Variants in CYP4Z1 observed in about 807,000 individuals in gnomAD.
The protein encoded by CYP4Z1 is cytochrome P450 family 4 subfamily Z member 1.
Under a neutral mutation model 54.2 loss-of-function variants are expected in CYP4Z1, and 41 were observed. The ratio of observed to expected loss-of-function variants is 0.76; its 90% CI spans 0.59 to 0.98. The LOEUF (loss-of-function observed/expected upper bound fraction) is 0.98, where lower values mean the gene tolerates loss of function less well. Ranked by LOEUF, CYP4Z1 falls within the 50% of genes least tolerant of loss-of-function variation. The pLI, the probability that CYP4Z1 is intolerant of heterozygous loss-of-function variation, is 0.00. For missense variants in CYP4Z1, 513 were observed against 599.0 expected, an observed-to-expected ratio of 0.86 and a Z score of 1.50; for synonymous variants, 163 against 206.2, an observed-to-expected ratio of 0.79 and a Z score of 1.79.
chr1:47,111,822 A>G (rs933375045), intron 9 of CYP4Z1, among the ~76,000 whole-genome samples: 1 of 152,124 alleles, frequency 6.6e-6, no homozygotes, highest in African/African-American at 2.4e-5. Flanking sequence ...AGCAACAAAA[A>G]TTTTTCAAAA....
At chr1:47,062,759 C>A (rs1452833777), upstream of CYP4Z1, among the ~76,000 whole-genome samples, 4 of 152,072 alleles carry the variant, frequency 2.6e-5, no homozygotes, top group African/African-American at 4.8e-5. Context: ...CTCTACCCAC[C>A]CTGGTAGCCA....
At chr1:47,057,335 A>AAAAAAAAAAAAAATATATATATAT in the CYP4Z1 span, among the ~76,000 whole-genome samples, 2 of 28,486 alleles carry the variant, frequency 7.0e-5, no homozygotes, top group Non-Finnish European at 1.7e-4. Context: ...AAGAAAAAAA[A>AAAAAAAAAAAAAATATATATATAT]ATATATATAT....
chr1:47,067,612 G>C lies in CYP4Z1; in HGVS notation c.122G>C (p.Arg41Thr). 1 of 1,613,404 alleles carries C rather than the reference G, an allele frequency of 6.2e-7. No individual in the cohort carries two copies. Among genetic ancestry groups the C allele is most frequent in the East Asian group, 2.2e-5 (1 of 44,852 alleles). The change falls in exon 1 of 12, where the codon AGA becomes ACA. Residue 41 changes from arginine to threonine, a missense_variant. Physicochemically the swap from Arg to Thr is moderately conservative, Grantham distance 71. Transcript: ENST00000334194. ...TACCAGAGGAGGAGATGGATGATCA[G>C]AGCCCTGCACCTGTTTCCTGCACCC... Reference protein sequence around the residue: ...RLYQRRRWMIRALHLFPAPPA... With the variant: ...RLYQRRRWMITALHLFPAPPA...
chr1:47,102,389 A>G (rs1300438779), intron 8 of CYP4Z1, among the ~76,000 whole-genome samples: 1 of 151,884 alleles, frequency 6.6e-6, no homozygotes, highest in Non-Finnish European at 1.5e-5. Flanking sequence ...GTACCATTTG[A>G]GCTTTTTCTC....
chr1:47,057,374 A>ATATG, the CYP4Z1 span, among the ~76,000 whole-genome samples: 65 of 114,540 alleles, frequency 5.7e-4, no homozygotes, highest in African/African-American at 2.1e-3. Context: ...ATATATATAT[A>ATATG]TATGTATATT....
intron 2 of CYP4Z1, among the ~76,000 whole-genome samples, chr1:47,073,931 A>G (rs1338771652): frequency 6.6e-6 from 1 of 152,138 alleles, no homozygotes; most frequent in Non-Finnish European, 1.5e-5. Flanking sequence ...CTTGATACAC[A>G]AAAGCTTTTC....
intron 8 of CYP4Z1, among the ~76,000 whole-genome samples, chr1:47,103,585 T>C (rs1394500532): frequency 2.2e-5 from 3 of 138,526 alleles, no homozygotes; most frequent in African/African-American, 8.0e-5. Context: ...CTTTTTTTTT[T>C]CTTTTTTTTC....
At chr1:47,059,788 G>A in the CYP4Z1 span, among the ~76,000 whole-genome samples, 4 of 152,134 alleles carry the variant, frequency 2.6e-5, no homozygotes, top group African/African-American at 7.2e-5. Flanking sequence ...CTGGGACGGA[G>A]GCTGATGGTC....
chr1:47,086,597 C>T (rs1232428650), intron 6 of CYP4Z1, among the ~76,000 whole-genome samples: 1 of 152,048 alleles, frequency 6.6e-6, no homozygotes, highest in Non-Finnish European at 1.5e-5. Context: ...GATATTAGCC[C>T]TTTGTCAGAT....
chr1:47,084,549 G>C, intron 4 of CYP4Z1, 71 bp from the exon 5 acceptor site: 1 of 1,561,810 alleles, frequency 6.4e-7, no homozygotes, highest in South Asian at 1.2e-5. Flanking sequence ...GCTCTAAAAG[G>C]GACATAAAAT....
intron 4 of CYP4Z1, among the ~76,000 whole-genome samples, chr1:47,083,263 A>G (rs1211618789): frequency 2.0e-5 from 3 of 152,062 alleles, no homozygotes; most frequent in African/African-American, 7.2e-5. Flanking sequence ...CTGGCCCCAT[A>G]TTTTCCAGTG....
chr1:47,063,166 G>A (rs539959059), upstream of CYP4Z1, among the ~76,000 whole-genome samples: 1 of 152,244 alleles, frequency 6.6e-6, no homozygotes, highest in South Asian at 2.1e-4. Flanking sequence ...CTCTCAGGAA[G>A]CCCCACTCCT....
intron 2 of CYP4Z1, among the ~76,000 whole-genome samples, chr1:47,074,224 GT>G (rs1282974153): frequency 1.3e-5 from 2 of 151,144 alleles, no homozygotes; most frequent in Non-Finnish European, 2.9e-5. Context: ...ATACTGTGAA[GT>G]TTGGGGTATA....
the CYP4Z1 span, among the ~76,000 whole-genome samples, chr1:47,058,934 T>C: frequency 6.6e-6 from 1 of 152,196 alleles, no homozygotes; most frequent in African/African-American, 2.4e-5. Flanking sequence ...TTCACTGTGG[T>C]GTTCTAATTT....
intron 9 of CYP4Z1, 156 bp from the exon 10 acceptor site, chr1:47,115,373 C>A (rs1644822220): frequency 1.6e-6 from 1 of 615,726 alleles, no homozygotes; most frequent in East Asian, 3.3e-5. Context: ...GTGCAGCACA[C>A]CAACATGGCA....
At chr1:47,088,089 C>T (rs1644611208) in intron 6 of CYP4Z1, among the ~76,000 whole-genome samples, 9 of 152,130 alleles carry the variant, frequency 5.9e-5, no homozygotes, top group Admixed American at 5.9e-4. Flanking sequence ...CTGCTGGATT[C>T]CGTTTGCCAG....
chr1:47,062,743 G>A (rs1305029487), upstream of CYP4Z1, among the ~76,000 whole-genome samples: 1 of 152,062 alleles, frequency 6.6e-6, no homozygotes, highest in African/African-American at 2.4e-5. Context: ...CCACCTTGTG[G>A]TCTTTCTCTA....
intron 9 of CYP4Z1, among the ~76,000 whole-genome samples, chr1:47,108,060 C>T (rs1216143877): frequency 6.6e-6 from 1 of 152,230 alleles, no homozygotes. Flanking sequence ...CCTCAAGCTA[C>T]AATGAAGGGA....
intron 8 of CYP4Z1, among the ~76,000 whole-genome samples, chr1:47,102,279 TCC>T (rs1360569097): frequency 6.6e-6 from 1 of 152,214 alleles, no homozygotes; most frequent in Non-Finnish European, 1.5e-5. Context: ...GATGGCATAT[TCC>T]TGTCATTTTA....
Sources: gnomAD v4.1 joint callset for allele counts (sites outside exome capture counted in the v4.1 genomes callset) on GRCh38, gnomAD v4.1.1 for gene constraint, MANE v1.5 for transcripts, NCBI Gene and HGNC (gene_info 2026-07-23, HGNC 2026-07-21) for gene names.